Variants in KIAA1217 observed in about 807,000 individuals in gnomAD.
The protein encoded by KIAA1217 is KIAA1217.
KIAA1217 carries 88 observed loss-of-function variants against 163.9 expected under a neutral mutation model. That is an observed-to-expected ratio of 0.54 (90% CI 0.45 to 0.64). The LOEUF (loss-of-function observed/expected upper bound fraction) is 0.64, where lower values mean the gene tolerates loss of function less well. KIAA1217 is among the 30% of genes least tolerant of loss of function. The probability of loss-of-function intolerance (pLI) is 0.00; values close to 1 mark genes in which losing one functional copy is unlikely to be tolerated. For synonymous variants in KIAA1217, 903 were observed against 923.1 expected (o/e 0.98, Z 0.39); for missense variants, 2,372 against 2,475.0 (o/e 0.96, Z 0.88).
At chr10:24,419,048 G>A (rs1264580946) in intron 3 of KIAA1217, among the ~76,000 whole-genome samples, 2 of 151,696 alleles carry the variant, frequency 1.3e-5, no homozygotes, top group Non-Finnish European at 2.9e-5. Context: ...GTGGTGGCAA[G>A]TGCCTGTAAT....
At chr10:24,294,047 C>A (rs2079404724) in intron 2 of KIAA1217, among the ~76,000 whole-genome samples, 1 of 151,852 alleles carries the variant, frequency 6.6e-6, no homozygotes, top group South Asian at 2.1e-4. Context: ...GAAAAAATAG[C>A]CGGGCGTGGT....
chr10:24,226,612 A>G (rs566640067), intron 2 of KIAA1217, among the ~76,000 whole-genome samples: 2 of 152,040 alleles, frequency 1.3e-5, no homozygotes, highest in African/African-American at 4.8e-5. Flanking sequence ...ACTGCACTCC[A>G]GCCTGGGTGA....
chr10:23,877,302 G>T (rs963334608), intron 1 of KIAA1217: 1 of 151,970 alleles, frequency 6.6e-6, no homozygotes, highest in African/African-American at 2.4e-5. Flanking sequence ...CATCCTGTTT[G>T]ATTGTCCATT....
chr10:24,179,981 A>G (rs2066091907), intron 2 of KIAA1217, among the ~76,000 whole-genome samples: 1 of 152,194 alleles, frequency 6.6e-6, no homozygotes, highest in Non-Finnish European at 1.5e-5. Flanking sequence ...AAACTAGTGG[A>G]AGATGTGGAT....
Position 24,528,109 on chromosome 10 carries a change from G to A in KIAA1217, c.3072G>A (p.Val1024=), listed in dbSNP as rs746085298. The change falls in exon 14 of 21, where the codon GTG becomes GTA. Residue 1024 remains valine, a synonymous_variant. Coordinates refer to ENST00000376454, the MANE Select transcript of KIAA1217 (RefSeq NM_019590.5). ...GGGGAGATGCCCCAGTGGACAAGGT[G>A]GAACTTTCAGGTAAGTTCCGGTCCC... The part of the protein sequence containing the change: ...LPRGDAPVDK[V]ELSEDSPNSE... The A allele has an allele frequency of 6.2e-7, 1 of 1,613,846 alleles. No individual in the cohort carries two copies. Among genetic ancestry groups the A allele is most frequent in the South Asian group, 1.1e-5 (1 of 91,038 alleles).
intron 10 of KIAA1217, among the ~76,000 whole-genome samples, chr10:24,514,072 T>C (rs545674666): frequency 2.6e-4 from 39 of 152,346 alleles, no homozygotes; most frequent in African/African-American, 7.9e-4. Context: ...AAGGTTCTTA[T>C]TGAAAGCATC....
chr10:23,965,768 A>G (rs935813962), intron 1 of KIAA1217, among the ~76,000 whole-genome samples: 3 of 152,176 alleles, frequency 2.0e-5, no homozygotes, highest in African/African-American at 7.2e-5. Context: ...GGAGTTATAT[A>G]GGGCCCAGTT....
intron 2 of KIAA1217, among the ~76,000 whole-genome samples, chr10:24,135,857 C>T (rs965236279): frequency 5.9e-5 from 9 of 152,166 alleles, no homozygotes; most frequent in Admixed American, 5.9e-4. Context: ...GAAATCTCAT[C>T]TATCCAAAAT....
intron 2 of KIAA1217, among the ~76,000 whole-genome samples, chr10:24,142,986 C>T (rs1472875322): frequency 1.3e-5 from 2 of 152,084 alleles, no homozygotes; most frequent in Non-Finnish European, 2.9e-5. Context: ...TTTCGTATAC[C>T]CTTAAAAAGC....
intron 3 of KIAA1217, among the ~76,000 whole-genome samples, chr10:24,395,398 A>G (rs1398105081): frequency 2.0e-5 from 3 of 152,152 alleles, no homozygotes; most frequent in African/African-American, 7.2e-5. Flanking sequence ...ACTTCATTCA[A>G]GGATTTCCCA....
chr10:24,315,646 T>G (rs1214195801), intron 2 of KIAA1217, among the ~76,000 whole-genome samples: 2 of 151,610 alleles, frequency 1.3e-5, no homozygotes, highest in Admixed American at 1.3e-4. Context: ...TTTGGGAGGC[T>G]GAGGCAAGAG....
intron 5 of KIAA1217, among the ~76,000 whole-genome samples, chr10:24,445,475 G>A (rs1020948700): frequency 5.3e-5 from 8 of 151,276 alleles, no homozygotes; most frequent in African/African-American, 1.9e-4. Flanking sequence ...TTGGTGTGCT[G>A]CACCCATTAA....
intron 1 of KIAA1217, among the ~76,000 whole-genome samples, chr10:23,893,585 G>A (rs1335460281): frequency 6.6e-6 from 1 of 151,904 alleles, no homozygotes; most frequent in African/African-American, 2.4e-5. Flanking sequence ...TGTGATGTGA[G>A]GGTGTCAATT....
intron 1 of KIAA1217, among the ~76,000 whole-genome samples, chr10:23,805,577 A>G (rs955933877): frequency 4.5e-4 from 68 of 152,178 alleles, no homozygotes; most frequent in African/African-American, 1.4e-3. Context: ...AATGGATACT[A>G]GGCTTAATAC....
intron 1 of KIAA1217, among the ~76,000 whole-genome samples, chr10:24,005,736 T>A (rs1846963536): frequency 1.3e-5 from 2 of 152,218 alleles, no homozygotes; most frequent in African/African-American, 4.8e-5. Context: ...ATTTTCAGTA[T>A]TTCACAGTTT....
At chr10:24,091,156 C>T (rs77243295) in intron 2 of KIAA1217, among the ~76,000 whole-genome samples, 4,111 of 151,930 alleles carry the variant, frequency 0.027, 276 homozygotes, top group African/African-American at 0.095. Context: ...CAACAACTGA[C>T]TGTGTTATTA....
At chr10:23,969,870 A>G (rs1202664843) in intron 1 of KIAA1217, among the ~76,000 whole-genome samples, 3 of 152,232 alleles carry the variant, frequency 2.0e-5, no homozygotes, top group Non-Finnish European at 2.9e-5. Context: ...TCACAGTTCC[A>G]CGTGGGTGGG....
chr10:24,347,710 A>T (rs370914487), intron 2 of KIAA1217, among the ~76,000 whole-genome samples: 14 of 152,268 alleles, frequency 9.2e-5, no homozygotes, highest in African/African-American at 1.7e-4. Context: ...CAATGCAAAC[A>T]TACATTAAAA....
At chr10:24,504,452 A>G (rs1054779669) in intron 9 of KIAA1217, among the ~76,000 whole-genome samples, 2 of 152,168 alleles carry the variant, frequency 1.3e-5, no homozygotes, top group Non-Finnish European at 2.9e-5. Flanking sequence ...TGTCTTTTCA[A>G]TCGAGGGAGT....
Sources: allele counts gnomAD v4.1 joint callset (sites outside exome capture counted in the v4.1 genomes callset), GRCh38; gene constraint gnomAD v4.1.1; transcripts MANE v1.5; gene names NCBI Gene and HGNC (gene_info 2026-07-23, HGNC 2026-07-21).